The following NFIA variants were observed in gnomAD, a reference collection of about 807,000 sequenced individuals.
NFIA encodes nuclear factor 1 A-type.
In NFIA, 8 loss-of-function variants were observed where a neutral mutation model predicts 62.8. The ratio of observed to expected loss-of-function variants is 0.13; its 90% confidence interval spans 0.07 to 0.23. NFIA has a LOEUF of 0.23. NFIA is among the 10% of genes least tolerant of loss of function. The pLI is 1.00. For synonymous variants in NFIA, 235 were observed against 238.1 expected (o/e 0.99, Z 0.12); for missense variants, 410 against 642.1 (o/e 0.64, Z 3.91).
At chr1:61,339,247 A>C (rs1297799503) in intron 4 of NFIA, among the ~76,000 whole-genome samples, 2 of 152,226 alleles carry the variant, frequency 1.3e-5, no homozygotes, top group Non-Finnish European at 2.9e-5. Context: ...ATATCTGTAG[A>C]AGTCAATGGC....
At chr1:61,335,830 G>A (rs745689298) in intron 4 of NFIA, among the ~76,000 whole-genome samples, 4 of 151,582 alleles carry the variant, frequency 2.6e-5, no homozygotes, top group African/African-American at 4.9e-5. Flanking sequence ...TGACAAGGGC[G>A]AGACTCCATC....
At chr1:61,371,473 A>C (rs1003995873) in intron 6 of NFIA, among the ~76,000 whole-genome samples, 1 of 152,172 alleles carries the variant, frequency 6.6e-6, no homozygotes, top group Non-Finnish European at 1.5e-5. Flanking sequence ...TAGAATAAAA[A>C]AAAATCTTTG....
chr1:61,461,723 A>C lies in NFIA; in HGVS notation c.*6403A>C, dbSNP rs143137858. On this transcript the variant is annotated 3_prime_UTR_variant, in exon 11 of 11. Coordinates refer to ENST00000403491, the MANE Select transcript of NFIA (RefSeq NM_001134673.4). ...TGCATTCGCCTATTTGATTCAGAAAAATAAACTTTCCCAAAATGTGTCTGA... is the reference window on the plus strand; with the variant it reads ...TGCATTCGCCTATTTGATTCAGAAACATAAACTTTCCCAAAATGTGTCTGA... 2.5e-4 allele frequency: 38 copies of C among 152,304 alleles called. 1 individual carries two copies. The highest frequency in any genetic ancestry group is 9.1e-4 in the African/African-American group (38 of 41,568). 9.4% of individuals were successfully genotyped at this position (152,304 alleles called of 1,614,324 possible).
At chr1:61,375,134 T>A (rs879883100) in intron 6 of NFIA, among the ~76,000 whole-genome samples, 4 of 152,186 alleles carry the variant, frequency 2.6e-5, no homozygotes, top group Non-Finnish European at 5.9e-5. Context: ...AGGTATACTT[T>A]AAATGGTTCT....
rs79678103 is a variant in NFIA, at chr1:61,187,036, A to G, written c.560-90484A>G. On this transcript the variant is annotated intron_variant, in intron 2 of 10. Coordinates refer to ENST00000403491, the MANE Select transcript of NFIA (RefSeq NM_001134673.4). Reference sequence around the variant, plus strand: ...CCCTGGAAGGATTCAGTAAAGAGCCAGTTTCACCCTGTTAGCCCTTGTTGC... The same window carrying G: ...CCCTGGAAGGATTCAGTAAAGAGCCGGTTTCACCCTGTTAGCCCTTGTTGC... 1.9e-3 allele frequency among the ~76,000 whole-genome samples: 291 copies of G among 152,356 alleles called. 4 individuals are homozygous for G. The South Asian group carries it at 0.032, about 17-fold the overall frequency.
chr1:61,392,471 T>C (rs1157077628), intron 7 of NFIA, among the ~76,000 whole-genome samples: 1 of 151,834 alleles, frequency 6.6e-6, no homozygotes, highest in Admixed American at 6.6e-5. Context: ...TGTCTGCAAG[T>C]GAACTGCCTA....
chr1:61,420,050 C>T (rs1381363138), intron 9 of NFIA, among the ~76,000 whole-genome samples: 2 of 152,152 alleles, frequency 1.3e-5, no homozygotes, highest in Admixed American at 1.3e-4. Context: ...ACTACAACAT[C>T]CATTCCATCA....
At chr1:61,243,885 G>A (rs745927053) in intron 2 of NFIA, among the ~76,000 whole-genome samples, 47 of 152,256 alleles carry the variant, frequency 3.1e-4, no homozygotes, top group Admixed American at 5.2e-4. Flanking sequence ...GACACAGTCC[G>A]TGTTTTAAAT....
intron 8 of NFIA, 71 bp downstream of exon 8, chr1:61,404,353 TATGATC>T: frequency 7.1e-7 from 1 of 1,412,618 alleles, no homozygotes; most frequent in Non-Finnish European, 9.5e-7. Context: ...GGGGAGACCT[TATGATC>T]ATGTGACGTT....
At chr1:61,194,857 C>G (rs1197365156) in intron 2 of NFIA, among the ~76,000 whole-genome samples, 1 of 152,192 alleles carries the variant, frequency 6.6e-6, no homozygotes, top group Non-Finnish European at 1.5e-5. Context: ...GTTCTCAAAA[C>G]TGTTTAATGA....
intron 2 of NFIA, among the ~76,000 whole-genome samples, chr1:61,095,498 T>C (rs566344452): frequency 8.5e-5 from 13 of 152,166 alleles, no homozygotes; most frequent in Non-Finnish European, 1.6e-4. Flanking sequence ...TTGTTTAGGG[T>C]TGGATGTCGT....
chr1:61,406,542 T>TTGGGGGGGGGGGGGGGGG lies in NFIA; in HGVS notation c.1255-20_1255-19insTGGGGGGGGGGGGGGGGG. 1.6e-6 allele frequency: 2 copies of TTGGGGGGGGGGGGGGGGG among 1,253,830 alleles called. No homozygotes were observed. Among genetic ancestry groups the TTGGGGGGGGGGGGGGGGG allele is most frequent in the Non-Finnish European group, 1.1e-6 (1 of 931,744 alleles). The allele number at this position is 1,253,830 out of a possible 1,614,324, so 77.7% of individuals were successfully genotyped here. A position where few individuals can be genotyped will look rare whatever the true frequency, so the allele number is the denominator to read the frequency against. ...TTCTTTTTCTTGTACGTGTGTTTTC[T>TTGGGGGGGGGGGGGGGGG]GCCCCCCCCCCCCCCACAGCCCAAT... On this transcript the variant is annotated intron_variant, in intron 8 of 10. Coordinates refer to ENST00000403491, the MANE Select transcript of NFIA (RefSeq NM_001134673.4).
intron 4 of NFIA, among the ~76,000 whole-genome samples, chr1:61,347,498 A>G (rs1170290002): frequency 1.3e-5 from 2 of 152,140 alleles, no homozygotes; most frequent in Admixed American, 1.3e-4. Context: ...CTCCAAACTT[A>G]TGCACATACT....
At chr1:61,204,686 T>A (rs981606106) in intron 2 of NFIA, among the ~76,000 whole-genome samples, 9 of 152,138 alleles carry the variant, frequency 5.9e-5, no homozygotes, top group Non-Finnish European at 1.2e-4. Flanking sequence ...CTTGGGTTGA[T>A]GTGGTTACTG....
chr1:61,162,584 T>C (rs574869932), intron 2 of NFIA, among the ~76,000 whole-genome samples: 28 of 152,286 alleles, frequency 1.8e-4, no homozygotes, highest in Middle Eastern at 3.4e-3. Context: ...ACGGGCACTA[T>C]CCGTATTCTT....
At chr1:61,213,508 T>G (rs1259031156) in intron 2 of NFIA, among the ~76,000 whole-genome samples, 1 of 152,220 alleles carries the variant, frequency 6.6e-6, no homozygotes, top group African/African-American at 2.4e-5. Flanking sequence ...ATAGATCATT[T>G]AAATCTGTAC....
chr1:61,383,275 T>G lies in NFIA; in HGVS notation c.985T>G (p.Ser329Ala), dbSNP rs781184518. 5 of 1,613,990 alleles carry G rather than the reference T, an allele frequency of 3.1e-6. No homozygotes were observed. Among genetic ancestry groups the G allele is most frequent in the Middle Eastern group, 3.3e-4 (2 of 6,062 alleles). ...SPTTLKKSEK[S>A]GFSSPSPSQT... ...AACCACACTGAAGAAGTCGGAGAAG[T>G]CTGGTTTCAGCAGCCCCTCCCCTTC... is the stretch of plus-strand genomic sequence containing the variant. The change falls in exon 7 of 11, where the codon TCT becomes GCT. Residue 329 changes from serine to alanine, a missense_variant. By Grantham distance (99) the Ser-to-Ala change is moderately conservative. Coordinates refer to ENST00000403491, the MANE Select transcript of NFIA (RefSeq NM_001134673.4).
chr1:61,134,845 A>T (rs984434293), intron 2 of NFIA, among the ~76,000 whole-genome samples: 1 of 152,158 alleles, frequency 6.6e-6, no homozygotes, highest in Non-Finnish European at 1.5e-5. Context: ...ATAAAAACAA[A>T]TTTTTTTAAA....
At chr1:61,330,817 C>A (rs1053528167) in intron 3 of NFIA, among the ~76,000 whole-genome samples, 3 of 152,054 alleles carry the variant, frequency 2.0e-5, no homozygotes, top group Non-Finnish European at 4.4e-5. Context: ...GAGATCAACC[C>A]AGATTTTCCT....
Sources: allele counts gnomAD v4.1 joint callset (sites outside exome capture counted in the v4.1 genomes callset), GRCh38; gene constraint gnomAD v4.1.1; transcripts MANE v1.5; gene names NCBI Gene and HGNC (gene_info 2026-07-23, HGNC 2026-07-21).